PDE8A: variants seen among roughly 807,000 people sequenced by gnomAD.
PDE8A encodes the protein high affinity cAMP-specific and IBMX-insensitive 3',5'-cyclic phosphodiesterase 8A.
Under a neutral mutation model 105.0 loss-of-function variants are expected in PDE8A, and 59 were observed. That is an observed-to-expected ratio of 0.56 (90% confidence interval 0.46 to 0.70). The LOEUF is 0.70. PDE8A is among the 30% of genes least tolerant of loss of function. The probability of loss-of-function intolerance (pLI) is 0.00; values close to 1 mark genes in which losing one functional copy is unlikely to be tolerated. For missense variants in PDE8A, 1,014 were observed against 1,045.9 expected, an observed-to-expected ratio of 0.97 and a Z score of 0.42; for synonymous variants, 355 against 371.9, an observed-to-expected ratio of 0.95 and a Z score of 0.52.
At chr15:84,987,563 CCGGGTCG>C in intron 1 of PDE8A, among the ~76,000 whole-genome samples, 1 of 151,610 alleles carries the variant, frequency 6.6e-6, no homozygotes, top group African/African-American at 2.4e-5. Context: ...CCTCCGCCTC[CCGGGTCG>C]AAGCAATTCG....
chr15:85,092,785 T>C (rs2081667281), intron 8 of PDE8A, among the ~76,000 whole-genome samples: 1 of 152,186 alleles, frequency 6.6e-6, no homozygotes, highest in Non-Finnish European at 1.5e-5. Context: ...TCACCTTTGC[T>C]GGGGTTGTGC....
At chr15:84,983,590 T>C (rs759463488) in intron 1 of PDE8A, among the ~76,000 whole-genome samples, 23 of 152,240 alleles carry the variant, frequency 1.5e-4, no homozygotes, top group Non-Finnish European at 2.5e-4. Flanking sequence ...CCTTCTCCTA[T>C]AGATTCTTTA....
Position 85,124,219 on chromosome 15 carries a change from C to T in PDE8A, c.2085+1026C>T, listed in dbSNP as rs571774761. Among the ~76,000 whole-genome samples, 271 of 152,276 alleles carry T rather than the reference C, an allele frequency of 1.8e-3. 1 individual carries two copies. The highest frequency in any genetic ancestry group is 5.9e-3 in the African/African-American group (245 of 41,546). ...CTCCAGCTGAGGAAGCATACAGGCC[C>T]AAGTTCCCATCATTTGCTTATCTGT... On this transcript the variant is annotated intron_variant, in intron 19 of 21. Transcript: ENST00000394553.
At chr15:85,062,421 C>T (rs1411521892) in intron 1 of PDE8A, 1 of 152,064 alleles carries the variant, frequency 6.6e-6, no homozygotes, top group Non-Finnish European at 1.5e-5. Flanking sequence ...TGCCTTAGTC[C>T]CTAATGTCTG....
At position 85,138,649 on chromosome 15, in the gene PDE8A, G is replaced by GCTAA. The variant is rs1417429993; in HGVS notation, c.*749_*752dup. Reference sequence around the variant, plus strand: ...TGTATGTTAAACTTTTCTGATTGAGGCTAACTGGAAAAAGCTGGGGTCGTA... The same window carrying GCTAA: ...TGTATGTTAAACTTTTCTGATTGAGGCTAACTAACTGGAAAAAGCTGGGGTCGTA... On this transcript the variant is annotated 3_prime_UTR_variant, in exon 22 of 22. Transcript: ENST00000394553. The GCTAA allele has an allele frequency of 5.3e-5, 8 of 152,296 alleles. No homozygotes were observed. The highest frequency in any genetic ancestry group is 1.7e-4 in the African/African-American group (7 of 41,398). The allele number at this position is 152,296 out of a possible 1,614,324, so 9.4% of individuals were successfully genotyped here.
intron 20 of PDE8A, among the ~76,000 whole-genome samples, chr15:85,135,953 T>G (rs867325672): frequency 6.6e-6 from 1 of 152,156 alleles, no homozygotes; most frequent in South Asian, 2.1e-4. Context: ...CACTAGGCCC[T>G]TCCTTGTAAA....
chr15:85,002,362 G>T lies in PDE8A; in HGVS notation c.186+20014G>T, dbSNP rs550317107. Among the ~76,000 whole-genome samples, 14 of 152,242 alleles carry T rather than the reference G, an allele frequency of 9.2e-5. No individual in the cohort carries two copies. In the South Asian group the frequency reaches 2.9e-3, roughly 32 times the overall value. On this transcript the variant is annotated intron_variant, in intron 1 of 21. Transcript: ENST00000394553. ...ATTAGGAAGGATATATTTATTAAAG[G>T]ATACAAATGAACAGACAGACAAAGA...
chr15:85,026,018 C>G (rs868333667), intron 1 of PDE8A, among the ~76,000 whole-genome samples: 1 of 152,310 alleles, frequency 6.6e-6, no homozygotes, highest in Middle Eastern at 3.4e-3. Context: ...AGTGGAAACT[C>G]AGCACTGTTG....
upstream of PDE8A, among the ~76,000 whole-genome samples, chr15:84,981,610 G>T (rs1409292648): frequency 1.3e-5 from 2 of 152,038 alleles, no homozygotes; most frequent in African/African-American, 2.4e-5. Context: ...CACTCGGCCT[G>T]GGGGGGCTTT....
intron 1 of PDE8A, among the ~76,000 whole-genome samples, chr15:84,998,703 T>C (rs1596418861): frequency 6.6e-6 from 1 of 152,196 alleles, no homozygotes; most frequent in Non-Finnish European, 1.5e-5. Flanking sequence ...TTGTTCCTTT[T>C]TTCTCCCCAA....
In PDE8A at chr15:85,120,927, C is replaced by G. The variant is rs144501404; in HGVS notation, c.1865C>G (p.Thr622Ser). The change falls in exon 18 of 22, where the codon ACT (threonine) becomes AGT (serine). Residue 622 changes from threonine to serine, a missense_variant. Transcript: ENST00000394553. ...GAGCTGGCCATTTTGTACAATGACA[C>G]TGCTGTGCTGGAGAGCCACCATGCG... Reference protein sequence around the residue: ...GSELAILYNDTAVLESHHAAL... With the variant: ...GSELAILYNDSAVLESHHAAL... The G allele has an allele frequency of 2.5e-5, 41 of 1,614,004 alleles. No homozygotes were observed. The highest frequency in any genetic ancestry group is 3.2e-5 in the Non-Finnish European group (38 of 1,179,952).
In PDE8A at chr15:85,136,614, A is replaced by C; in HGVS notation, c.2334A>C (p.Gln778His). Residue 778 changes from glutamine to histidine, a missense_variant, in exon 21 of 22, where the codon CAA (glutamine) becomes CAC (histidine). Physicochemically the swap from Gln to His is conservative, Grantham distance 24. Coordinates refer to ENST00000394553, the MANE Select transcript of PDE8A (RefSeq NM_002605.3). Reference sequence around the variant, plus strand: ...ATACCTGCAGCATCCCCAAATCCCAAATCTCTTTCATTGATTACTTCATCA... The same window carrying C: ...ATACCTGCAGCATCCCCAAATCCCACATCTCTTTCATTGATTACTTCATCA... ...DRNTCSIPKSQISFIDYFITD... is the reference protein window; with the variant it reads ...DRNTCSIPKSHISFIDYFITD... The C allele has an allele frequency of 6.2e-7, 1 of 1,613,926 alleles. No individual in the cohort carries two copies. Among genetic ancestry groups the C allele is most frequent in the Non-Finnish European group, 8.5e-7 (1 of 1,179,890 alleles).
intron 1 of PDE8A, among the ~76,000 whole-genome samples, chr15:85,032,723 C>G (rs1438028047): frequency 6.6e-6 from 1 of 151,914 alleles, no homozygotes; most frequent in African/African-American, 2.4e-5. Flanking sequence ...AGAAAATACT[C>G]AGTTTTAAGT....
At chr15:85,132,284 ATC>A (rs963721574) in intron 20 of PDE8A, among the ~76,000 whole-genome samples, 17 of 152,050 alleles carry the variant, frequency 1.1e-4, no homozygotes, top group African/African-American at 3.1e-4. Context: ...TCTTCAAATA[ATC>A]TCTGTCCTTC....
chr15:85,038,214 GGGGTGTGTGTGTGTGTGTGTGTGTGT>G (rs1360596374), intron 1 of PDE8A, among the ~76,000 whole-genome samples: 1 of 144,154 alleles, frequency 6.9e-6, no homozygotes, highest in African/African-American at 2.6e-5. Context: ...CTCCAATTGG[GGGGTGTGTGTGTGTGTGTGTGTGTGT>G]GTGTGTGTGT....
At chr15:85,123,313 CTTACAGGG>C in intron 19 of PDE8A, 120 bp downstream of exon 19, 2 of 751,510 alleles carry the variant, frequency 2.7e-6, no homozygotes, top group South Asian at 1.6e-5. Context: ...CTATTAGACT[CTTACAGGG>C]ACAGAACTAA....
chr15:84,982,385 C>G lies in PDE8A; in HGVS notation c.186+37C>G, dbSNP rs2079729347. 40 of 1,272,708 alleles carry G rather than the reference C, an allele frequency of 3.1e-5. No homozygotes were observed. The East Asian group carries it at 1.3e-3, about 40-fold the overall frequency. The allele number at this position is 1,272,708 out of a possible 1,614,324, so 78.8% of individuals were successfully genotyped here. On this transcript the variant is annotated intron_variant, in intron 1 of 21. Transcript: ENST00000394553. The stretch of plus-strand genomic sequence containing the variant: ...CGGGCACTCTGGGGCCGCCGCGAAA[C>G]TCGGGCCCGGCCAGTAAGCAACTTT...
intron 1 of PDE8A, among the ~76,000 whole-genome samples, chr15:85,006,104 A>T (rs985585705): frequency 8.0e-5 from 12 of 150,710 alleles, no homozygotes; most frequent in African/African-American, 2.9e-4. Flanking sequence ...GGAACATCAC[A>T]CTCTGGGGAC....
At chr15:85,130,438 TG>T (rs2082314847) in intron 20 of PDE8A, among the ~76,000 whole-genome samples, 2 of 152,214 alleles carry the variant, frequency 1.3e-5, no homozygotes, top group African/African-American at 4.8e-5. Flanking sequence ...AAAGGTACTT[TG>T]TATGACCTTA....
Sources: allele counts gnomAD v4.1 joint callset (sites outside exome capture counted in the v4.1 genomes callset), GRCh38; gene constraint gnomAD v4.1.1; transcripts MANE v1.5; gene names NCBI Gene and HGNC (gene_info 2026-07-23, HGNC 2026-07-21).